Variants in CCDC91 observed in about 807,000 individuals in gnomAD.
CCDC91 encodes coiled-coil domain-containing protein 91.
In CCDC91, 48 loss-of-function variants were observed where a neutral mutation model predicts 63.2. The observed-to-expected ratio is 0.76, with a 90% CI of 0.60 to 0.97. The LOEUF (loss-of-function observed/expected upper bound fraction) is 0.97. CCDC91 is among the 50% of genes least tolerant of loss of function. CCDC91 has a pLI of 0.00. For missense variants in CCDC91, 500 were observed against 494.6 expected (o/e 1.01, Z -0.10); for synonymous variants, 167 against 165.8 (o/e 1.01, Z -0.06).
intron 1 of CCDC91, chr12:28,256,949 T>C: frequency 2.6e-6 from 1 of 384,554 alleles, no homozygotes; most frequent in Non-Finnish European, 4.7e-6. Flanking sequence ...CAAATTAAAA[T>C]GTAAAAGAAT....
intron 3 of CCDC91, among the ~76,000 whole-genome samples, chr12:28,301,759 T>G (rs953814868): frequency 4.0e-5 from 6 of 151,732 alleles, no homozygotes; most frequent in African/African-American, 1.2e-4. Flanking sequence ...TTGAAAAAAA[T>G]ATTTAATCAG....
chr12:28,494,972 C>G (rs1009502741), intron 12 of CCDC91, among the ~76,000 whole-genome samples: 1 of 151,734 alleles, frequency 6.6e-6, no homozygotes, highest in Non-Finnish European at 1.5e-5. Context: ...GGATATGAGA[C>G]AGATTCAGAT....
At chr12:28,509,183 C>A (rs1939092130) in intron 12 of CCDC91, among the ~76,000 whole-genome samples, 1 of 151,880 alleles carries the variant, frequency 6.6e-6, no homozygotes, top group African/African-American at 2.4e-5. Context: ...AGAATGTTCC[C>A]ATATCAATAA....
At chr12:28,223,995 C>T (rs1345095086) in intron 1 of CCDC91, among the ~76,000 whole-genome samples, 4 of 152,068 alleles carry the variant, frequency 2.6e-5, no homozygotes, top group African/African-American at 4.8e-5. Flanking sequence ...AAGCCTAAAG[C>T]GGAGTCTTTT....
intron 8 of CCDC91, among the ~76,000 whole-genome samples, chr12:28,395,393 A>T (rs768327646): frequency 6.6e-6 from 1 of 152,206 alleles, no homozygotes; most frequent in Non-Finnish European, 1.5e-5. Flanking sequence ...ACCTCACTTC[A>T]GATGCCAGTT....
chr12:28,332,079 A>G (rs1941563892), intron 6 of CCDC91, among the ~76,000 whole-genome samples: 1 of 152,174 alleles, frequency 6.6e-6, no homozygotes, highest in African/African-American at 2.4e-5. Flanking sequence ...ATTAATATGT[A>G]AATTTATTTT....
At chr12:28,275,044 A>C (rs1340772012) in intron 3 of CCDC91, among the ~76,000 whole-genome samples, 1 of 152,150 alleles carries the variant, frequency 6.6e-6, no homozygotes, top group Non-Finnish European at 1.5e-5. Flanking sequence ...ACACCCTAAC[A>C]TCACAATTAA....
At chr12:28,364,594 C>T (rs1461975320) in intron 7 of CCDC91, among the ~76,000 whole-genome samples, 1 of 152,012 alleles carries the variant, frequency 6.6e-6, no homozygotes, top group African/African-American at 2.4e-5. Context: ...ATACAATTGG[C>T]CTAATATATT....
chr12:28,305,804 C>T lies in CCDC91; in HGVS notation c.265C>T (p.Gln89Ter). Reference sequence around the variant, plus strand: ...TGTGAGTCAAACTATTCCAAAAGCACAGGTAAAGACAAACATATTTTTAAA... The same window carrying T: ...TGTGAGTCAAACTATTCCAAAAGCATAGGTAAAGACAAACATATTTTTAAA... ...SIVSQTIPKA[Q>*]IQQSTHTHLD... The change falls in exon 4 of 13, where the codon CAG becomes TAG. Residue 89 changes from glutamine (Q) to a stop codon, truncating the protein, a stop_gained and splice_region_variant. Coordinates refer to ENST00000536442, the MANE Select transcript of CCDC91 (RefSeq NM_018318.5). LOFTEE classifies it high-confidence loss of function. The T allele has an allele frequency of 6.2e-7, 1 of 1,606,072 alleles. No homozygotes were observed. Among genetic ancestry groups the T allele is most frequent in the East Asian group, 2.2e-5 (1 of 44,708 alleles).
At chr12:28,411,673 G>A (rs991539759) in intron 8 of CCDC91, among the ~76,000 whole-genome samples, 17 of 152,158 alleles carry the variant, frequency 1.1e-4, no homozygotes, top group South Asian at 8.3e-4. Flanking sequence ...ACGATGGACT[G>A]TATATAAGAT....
chr12:28,509,658 A>G (rs1024428787), intron 12 of CCDC91, among the ~76,000 whole-genome samples: 6 of 151,946 alleles, frequency 3.9e-5, no homozygotes, highest in African/African-American at 1.4e-4. Flanking sequence ...AGAGCCATAT[A>G]TAGGCTGCAC....
chr12:28,516,220 A>G (rs1303643578), intron 12 of CCDC91, among the ~76,000 whole-genome samples: 2 of 151,972 alleles, frequency 1.3e-5, no homozygotes, highest in Non-Finnish European at 1.5e-5. Flanking sequence ...AAAAAAATCA[A>G]TCTGTTGGGG....
At chr12:28,412,879 C>T (rs1193518908) in intron 8 of CCDC91, 34 of 429,980 alleles carry the variant, frequency 7.9e-5, no homozygotes, top group Non-Finnish European at 1.1e-4. Context: ...TCCCCAACTC[C>T]CTACTCGACC....
chr12:28,387,473 T>A, intron 7 of CCDC91, among the ~76,000 whole-genome samples: 1 of 152,170 alleles, frequency 6.6e-6, no homozygotes, highest in East Asian at 1.9e-4. Flanking sequence ...TTTGTGAGAT[T>A]TTGGTGCATC....
intron 7 of CCDC91, among the ~76,000 whole-genome samples, chr12:28,368,391 G>GATCT (rs1329696228): frequency 6.6e-6 from 1 of 152,136 alleles, no homozygotes; most frequent in Non-Finnish European, 1.5e-5. Flanking sequence ...CCTAGCCTCT[G>GATCT]ATCTATCCTG....
At chr12:28,220,035 T>G (rs767743927) in intron 1 of CCDC91, among the ~76,000 whole-genome samples, 1 of 152,174 alleles carries the variant, frequency 6.6e-6, no homozygotes, top group Non-Finnish European at 1.5e-5. Context: ...CAGTTGGGTC[T>G]TGCTTTATCA....
chr12:28,395,468 C>T (rs1477907403), intron 8 of CCDC91, among the ~76,000 whole-genome samples: 2 of 152,176 alleles, frequency 1.3e-5, no homozygotes, highest in Non-Finnish European at 2.9e-5. Context: ...TATGAGTTTC[C>T]ACAACTGGTC....
chr12:28,358,046 C>T (rs548918601), intron 6 of CCDC91, among the ~76,000 whole-genome samples: 1 of 152,116 alleles, frequency 6.6e-6, no homozygotes, highest in African/African-American at 2.4e-5. Context: ...CCATTAGTAA[C>T]TTTGAAGTAA....
At chr12:28,493,047 A>AAAAATATAT (rs1360720346) in intron 12 of CCDC91, among the ~76,000 whole-genome samples, 1 of 151,716 alleles carries the variant, frequency 6.6e-6, no homozygotes, top group Non-Finnish European at 1.5e-5. Context: ...CTGTATTAGA[A>AAAAATATAT]AAAATATATA....
Sources: allele counts gnomAD v4.1 joint callset (sites outside exome capture counted in the v4.1 genomes callset), GRCh38; gene constraint gnomAD v4.1.1; transcripts MANE v1.5; gene names NCBI Gene and HGNC (gene_info 2026-07-23, HGNC 2026-07-21).